TPST2: variants seen among roughly 807,000 people sequenced by gnomAD.
TPST2 encodes tyrosylprotein sulfotransferase 2.
Under a neutral mutation model 27.8 loss-of-function variants are expected in TPST2, and 16 were observed. The ratio of observed to expected loss-of-function variants is 0.58; its 90% CI spans 0.39 to 0.88. The LOEUF is 0.88. TPST2 is among the 40% of genes least tolerant of loss of function. The probability of loss-of-function intolerance (pLI) is 0.00; values close to 1 mark genes in which losing one functional copy is unlikely to be tolerated. For missense variants in TPST2, 464 were observed against 543.1 expected (o/e 0.85, Z 1.45); for synonymous variants, 229 against 231.7 (o/e 0.99, Z 0.10).
chr22:26,569,785 A>T (rs1927528111), intron 1 of TPST2, among the ~76,000 whole-genome samples: 1 of 151,972 alleles, frequency 6.6e-6, no homozygotes, highest in African/African-American at 2.4e-5. Context: ...CCCTGTTTCT[A>T]CTAAAAAATA....
chr22:26,533,249 T>TA (rs2147177437), intron 4 of TPST2, among the ~76,000 whole-genome samples: 1 of 152,152 alleles, frequency 6.6e-6, no homozygotes, highest in African/African-American at 2.4e-5. Context: ...ACCCCATTTC[T>TA]AAAAAATTAA....
At chr22:26,568,574 G>A (rs1927467738) in intron 1 of TPST2, among the ~76,000 whole-genome samples, 1 of 152,052 alleles carries the variant, frequency 6.6e-6, no homozygotes, top group Admixed American at 6.6e-5. Flanking sequence ...CTCATTATAG[G>A]CCAATTATAA....
chr22:26,549,124 A>C (rs1012849227), intron 1 of TPST2, among the ~76,000 whole-genome samples: 35 of 152,180 alleles, frequency 2.3e-4, no homozygotes, highest in Non-Finnish European at 3.5e-4. Context: ...GTATAAATAA[A>C]TTAGGGCATG....
At position 26,541,473 on chromosome 22, in the gene TPST2, A is replaced by G. The variant is rs1925823846; in HGVS notation, c.158T>C (p.Val53Ala). 1 of 1,610,572 alleles carries G rather than the reference A, an allele frequency of 6.2e-7. No individual in the cohort carries two copies. The highest frequency in any genetic ancestry group is 8.5e-7 in the Non-Finnish European group (1 of 1,178,326). The change falls in exon 3 of 7, where the codon GTG becomes GCG. Residue 53 changes from valine to alanine, a missense_variant. Transcript: ENST00000338754. This position sits in a 1 kb window ranked among gnomAD's most constrained non-coding sequence, Gnocchi z 5.9. ...GAMRPEQEEL[V>A]MVGTNHVEYR... Reference sequence around the variant, plus strand: ...TTCCACGTGGTTGGTGCCCACCATCACCAGCTCCTCCTGCTCAGGCCGCAT... The same window carrying G: ...TTCCACGTGGTTGGTGCCCACCATCGCCAGCTCCTCCTGCTCAGGCCGCAT...
At chr22:26,537,478 A>G (rs1925532680) in intron 3 of TPST2, among the ~76,000 whole-genome samples, 1 of 152,136 alleles carries the variant, frequency 6.6e-6, no homozygotes, top group African/African-American at 2.4e-5. Flanking sequence ...TTGGAGATGG[A>G]GTCTCACTCT....
At chr22:26,574,998 G>A (rs1177760672) in intron 1 of TPST2, among the ~76,000 whole-genome samples, 1 of 152,136 alleles carries the variant, frequency 6.6e-6, no homozygotes, top group Non-Finnish European at 1.5e-5. Context: ...ACTCCAGCAG[G>A]AGGACAGTCA....
At chr22:26,532,945 T>C (rs1431895210) in intron 4 of TPST2, among the ~76,000 whole-genome samples, 200 bp from the exon 5 acceptor site, 1 of 152,172 alleles carries the variant, frequency 6.6e-6, no homozygotes, top group Non-Finnish European at 1.5e-5. Context: ...AACCAGATAA[T>C]GGAAATTCCT....
Position 26,541,241 on chromosome 22 carries a change from A to G in TPST2, c.390T>C (p.Asp130=), listed in dbSNP as rs745557126. The change falls in exon 3 of 7, where the codon GAT becomes GAC. Residue 130 remains aspartate, a synonymous_variant. Transcript: ENST00000338754. The surrounding 1 kb of genome is among the most constrained non-coding windows in gnomAD (Gnocchi z 5.9). ...KLRLDEAGVT[D]EVLDAAMQAF... ...CCTGCATGGCGGCGTCCAGCACCTCATCCGTCACCCCCGCCTCATCCAGCC... is the reference window on the plus strand; with the variant it reads ...CCTGCATGGCGGCGTCCAGCACCTCGTCCGTCACCCCCGCCTCATCCAGCC... 1.3e-6 allele frequency: 2 copies of G among 1,550,814 alleles called. No individual in the cohort carries two copies. The highest frequency in any genetic ancestry group is 1.2e-5 in the South Asian group (1 of 80,574).
chr22:26,549,455 G>A (rs1926324597), intron 1 of TPST2, among the ~76,000 whole-genome samples: 1 of 151,968 alleles, frequency 6.6e-6, no homozygotes, highest in Non-Finnish European at 1.5e-5. Context: ...TTAGGAGATC[G>A]AGACCATCCT....
intron 1 of TPST2, among the ~76,000 whole-genome samples, chr22:26,579,858 G>A (rs746462457): frequency 8.9e-5 from 13 of 145,802 alleles, no homozygotes; most frequent in Non-Finnish European, 1.8e-4. Context: ...GAGAGGCAAA[G>A]ATGGGAGTAA....
intron 5 of TPST2, among the ~76,000 whole-genome samples, chr22:26,528,507 T>C (rs1924967546): frequency 6.6e-6 from 1 of 152,090 alleles, no homozygotes; most frequent in South Asian, 2.1e-4. Context: ...TGCAAGAAAA[T>C]GTCAAACTTG....
At chr22:26,546,738 T>C (rs1424268585) in intron 1 of TPST2, among the ~76,000 whole-genome samples, 1 of 152,254 alleles carries the variant, frequency 6.6e-6, no homozygotes, top group Admixed American at 6.5e-5. Context: ...AGAAGCCACA[T>C]GTGACCAGTG....
intron 5 of TPST2, among the ~76,000 whole-genome samples, chr22:26,528,998 A>AAC (rs1224386120): frequency 7.6e-5 from 9 of 118,348 alleles, no homozygotes; most frequent in African/African-American, 2.6e-4. Flanking sequence ...ACAAAAACAA[A>AAC]AACAAAAAAA....
At chr22:26,583,692 T>C (rs1056808699) in intron 1 of TPST2, among the ~76,000 whole-genome samples, 4 of 151,802 alleles carry the variant, frequency 2.6e-5, no homozygotes, top group African/African-American at 7.3e-5. Context: ...ATACAAAAAT[T>C]AGCTGGGCGT....
intron 2 of TPST2, among the ~76,000 whole-genome samples, chr22:26,542,045 C>T (rs910691808): frequency 6.6e-6 from 1 of 151,306 alleles, no homozygotes; most frequent in Non-Finnish European, 1.5e-5. Flanking sequence ...AGATCGAGAC[C>T]ATCCTGGCTA....
At chr22:26,562,122 C>T (rs190584872) in intron 1 of TPST2, among the ~76,000 whole-genome samples, 2 of 152,336 alleles carry the variant, frequency 1.3e-5, no homozygotes, top group African/African-American at 2.4e-5. Context: ...GGAGGCCCAG[C>T]GGCCCGGCGG....
In TPST2 at chr22:26,542,954, G is replaced by A. The variant is rs539890160; in HGVS notation, c.-88-1236C>T. Among the ~76,000 whole-genome samples, 9 of 152,308 alleles carry A rather than the reference G, an allele frequency of 5.9e-5. No homozygotes were observed. In the South Asian group the frequency reaches 1.9e-3, roughly 32 times the overall value. On this transcript the variant is annotated intron_variant, in intron 2 of 6. Transcript: ENST00000338754. ...GGGCCTTCTTAGGCTATAGCAAGTG[G>A]AAAATAAACATCAAAGCGGAGGGAA...
intron 5 of TPST2, 73 bp from the exon 6 acceptor site, chr22:26,528,335 C>T: frequency 2.0e-6 from 3 of 1,509,220 alleles, no homozygotes; most frequent in Non-Finnish European, 2.7e-6. Flanking sequence ...GAGGGTCACC[C>T]CTCAGCATCA....
chr22:26,562,564 T>C (rs1173593424), intron 1 of TPST2, among the ~76,000 whole-genome samples: 4 of 152,170 alleles, frequency 2.6e-5, no homozygotes, highest in African/African-American at 4.8e-5. Flanking sequence ...TTTTCTAAGA[T>C]GTAACTGCTG....
Sources: gnomAD v4.1 joint callset for allele counts (sites outside exome capture counted in the v4.1 genomes callset) on GRCh38, gnomAD v4.1.1 for gene constraint, Gnocchi (gnomAD v3.1) non-coding constraint, MANE v1.5 for transcripts, NCBI Gene and HGNC (gene_info 2026-07-23, HGNC 2026-07-21) for gene names.